GLIS1: variants seen among roughly 807,000 people sequenced by gnomAD.
GLIS1 encodes zinc finger protein GLIS1.
Under a neutral mutation model 63.8 loss-of-function variants are expected in GLIS1, and 24 were observed. The ratio of observed to expected loss-of-function variants is 0.38; its 90% CI spans 0.27 to 0.53. The LOEUF is 0.53. GLIS1 is among the 20% of genes least tolerant of loss of function. GLIS1 has a pLI of 0.85. For synonymous variants in GLIS1, 450 were observed against 482.5 expected, an observed-to-expected ratio of 0.93 and a Z score of 0.88; for missense variants, 1,036 against 1,074.1, an observed-to-expected ratio of 0.96 and a Z score of 0.50.
intron 4 of GLIS1, among the ~76,000 whole-genome samples, chr1:53,567,240 C>T (rs1229101523): frequency 6.6e-6 from 1 of 152,110 alleles, no homozygotes; most frequent in Non-Finnish European, 1.5e-5. Context: ...GCATTGTTCC[C>T]CTGCTCTAGG....
chr1:53,556,143 T>TGCA (rs1644821371), intron 4 of GLIS1, among the ~76,000 whole-genome samples: 1 of 128,362 alleles, frequency 7.8e-6, no homozygotes, highest in Admixed American at 8.0e-5. Flanking sequence ...TGTGTGTGTG[T>TGCA]GGTGTACTGC....
At chr1:53,695,044 G>A (rs1246026750) in intron 2 of GLIS1, among the ~76,000 whole-genome samples, 2 of 150,530 alleles carry the variant, frequency 1.3e-5, no homozygotes, top group African/African-American at 4.9e-5. Context: ...GGGAAGGCAA[G>A]TCAATGAAAA....
chr1:53,519,963 G>A (rs1344257207), intron 7 of GLIS1, among the ~76,000 whole-genome samples: 1 of 152,232 alleles, frequency 6.6e-6, no homozygotes, highest in African/African-American at 2.4e-5. Flanking sequence ...GATGCTTGGG[G>A]CAGGGCCATG....
intron 2 of GLIS1, among the ~76,000 whole-genome samples, chr1:53,691,349 C>T (rs11586794): frequency 2.0e-5 from 3 of 152,142 alleles, no homozygotes; most frequent in Non-Finnish European, 4.4e-5. Flanking sequence ...CATCATCCCC[C>T]CTCCCACCAC....
rs1478487657 is a variant in GLIS1 at position 53,513,387 on chromosome 1, G to A, written c.1883+1238C>T. 2.0e-5 allele frequency among the ~76,000 whole-genome samples: 3 copies of A among 152,058 alleles called. No individual in the cohort carries two copies. The East Asian group carries it at 5.8e-4, about 29-fold the overall frequency. ...CTCTTCAGGTCGAGTCTCATCCCAG[G>A]CCTTGGGATCTGGACCTGGCGACAT... On this transcript the variant is annotated intron_variant, in intron 8 of 10. Transcript: ENST00000628545.
At position 53,524,896 on chromosome 1, in the gene GLIS1, TG is replaced by T; in HGVS notation, c.1483-10del. ...TGACAGGCGTACGGCTTCTGTAACA[TG>T]GGGGGCACGGGTGGGGTGAGTGAGG... is the stretch of plus-strand genomic sequence containing the variant. On this transcript the variant is annotated splice_polypyrimidine_tract_variant and intron_variant, in intron 5 of 10. Transcript: ENST00000628545. 6.4e-7 allele frequency: 1 copy of T among 1,574,142 alleles called. No homozygotes were observed.
At chr1:53,669,632 C>A (rs948788963) in intron 2 of GLIS1, among the ~76,000 whole-genome samples, 1 of 152,208 alleles carries the variant, frequency 6.6e-6, no homozygotes, top group Non-Finnish European at 1.5e-5. Flanking sequence ...CACATCCCAG[C>A]CCCTGTGGAC....
chr1:53,704,644 G>A (rs764309957), intron 2 of GLIS1, among the ~76,000 whole-genome samples: 20 of 152,314 alleles, frequency 1.3e-4, no homozygotes, highest in African/African-American at 2.6e-4. Context: ...TGAGCCCATC[G>A]CTTTCCATCT....
At chr1:53,705,695 C>G (rs1381068865) in intron 2 of GLIS1, among the ~76,000 whole-genome samples, 1 of 152,202 alleles carries the variant, frequency 6.6e-6, no homozygotes, top group Non-Finnish European at 1.5e-5. Flanking sequence ...CAGACTCCTT[C>G]TGAGACAACA....
chr1:53,540,519 C>G (rs981907507), intron 4 of GLIS1, among the ~76,000 whole-genome samples: 4 of 152,104 alleles, frequency 2.6e-5, no homozygotes, highest in African/African-American at 9.7e-5. Context: ...CGGTGGACAT[C>G]AGGGTGTGGC....
chr1:53,706,514 G>A (rs779819244), intron 2 of GLIS1, among the ~76,000 whole-genome samples: 1 of 152,186 alleles, frequency 6.6e-6, no homozygotes, highest in Admixed American at 6.5e-5. Context: ...CAAAGGGACC[G>A]CCTGCCGCCT....
intron 2 of GLIS1, among the ~76,000 whole-genome samples, chr1:53,729,074 G>C (rs952156689): frequency 6.6e-6 from 1 of 152,216 alleles, no homozygotes; most frequent in Non-Finnish European, 1.5e-5. Context: ...GGTATATTCT[G>C]CTTCAAGAGA....
Position 53,594,408 on chromosome 1 carries a change from C to T in GLIS1, c.1020G>A (p.Pro340=), listed in dbSNP as rs765828847. The T allele has an allele frequency of 1.6e-5, 25 of 1,611,984 alleles. No homozygotes were observed. Among genetic ancestry groups the T allele is most frequent in the South Asian group, 5.5e-5 (5 of 91,024 alleles). ...GCAACTGAGACAGGGGATAGGGGGGCGGCAGGCCCTGCTGGTGAGGCCCAA... is the reference window on the plus strand; with the variant it reads ...GCAACTGAGACAGGGGATAGGGGGGTGGCAGGCCCTGCTGGTGAGGCCCAA... ...ELFGPHQQGL[P]PPYPLSQLPP... The change falls in exon 4 of 11, where the codon CCG becomes CCA. Residue 340 remains proline (P), a synonymous_variant. Transcript: ENST00000628545.
intron 2 of GLIS1, among the ~76,000 whole-genome samples, chr1:53,641,525 T>C (rs1019845447): frequency 2.0e-5 from 3 of 152,150 alleles, no homozygotes; most frequent in African/African-American, 7.2e-5. Flanking sequence ...CTGTGTGACC[T>C]TGAAGAACTC....
intron 1 of GLIS1, among the ~76,000 whole-genome samples, chr1:53,738,771 G>A (rs943635337): frequency 8.5e-5 from 13 of 152,160 alleles, no homozygotes; most frequent in African/African-American, 9.7e-5. Flanking sequence ...GCGCAAACCG[G>A]CACAGTGGGC....
At chr1:53,521,911 A>C (rs1644413242) in intron 6 of GLIS1, among the ~76,000 whole-genome samples, 1 of 152,236 alleles carries the variant, frequency 6.6e-6, no homozygotes, top group South Asian at 2.1e-4. Flanking sequence ...CCAAATGCTC[A>C]TCTTCCCCAG....
chr1:53,510,870 G>A (rs1187772175), intron 8 of GLIS1, among the ~76,000 whole-genome samples: 1 of 152,128 alleles, frequency 6.6e-6, no homozygotes, highest in African/African-American at 2.4e-5. Context: ...CTCACCAGTT[G>A]CCTTCATACA....
At position 53,574,797 on chromosome 1, in the gene GLIS1, T is replaced by A. The variant is rs1645015807; in HGVS notation, c.1320+19311A>T. On this transcript the variant is annotated intron_variant, in intron 4 of 10. Transcript: ENST00000628545. This position sits in a 1 kb window ranked among gnomAD's most constrained non-coding sequence, Gnocchi z 4.2. ...GGGCCATGGGGTCTAGCTGTGAATGTGGTAAAAAGCTGGGGCAGGAGGGCT... is the reference window on the plus strand; with the variant it reads ...GGGCCATGGGGTCTAGCTGTGAATGAGGTAAAAAGCTGGGGCAGGAGGGCT... Among the ~76,000 whole-genome samples, 1 of 152,074 alleles carries A rather than the reference T, an allele frequency of 6.6e-6. No individual in the cohort carries two copies.
chr1:53,515,907 C>T (rs1264769594), intron 7 of GLIS1, among the ~76,000 whole-genome samples: 1 of 152,032 alleles, frequency 6.6e-6, no homozygotes, highest in Non-Finnish European at 1.5e-5. Flanking sequence ...CTCCTCCAGC[C>T]TCGCTCTGGC....
Sources: gnomAD v4.1 joint callset for allele counts (sites outside exome capture counted in the v4.1 genomes callset) on GRCh38, gnomAD v4.1.1 for gene constraint, Gnocchi (gnomAD v3.1) non-coding constraint, MANE v1.5 for transcripts, NCBI Gene and HGNC (gene_info 2026-07-23, HGNC 2026-07-21) for gene names.